Variants in CAMK2A observed in about 807,000 individuals in gnomAD.
CAMK2A encodes the protein calcium/calmodulin dependent protein kinase II alpha, also known as calcium/calmodulin-dependent protein kinase type II subunit alpha.
A neutral mutation model predicts 79.2 loss-of-function variants in CAMK2A; 7 were observed. The observed-to-expected ratio is 0.09, with a 90% confidence interval of 0.05 to 0.17. CAMK2A has a LOEUF of 0.17. Among genes scored for constraint, CAMK2A ranks in the 10% least tolerant of loss-of-function variants. The probability of loss-of-function intolerance (pLI) is 1.00; values close to 1 mark genes in which losing one functional copy is unlikely to be tolerated. For missense variants in CAMK2A, 214 were observed against 646.4 expected, an observed-to-expected ratio of 0.33 and a Z score of 7.25; for synonymous variants, 242 against 251.7, an observed-to-expected ratio of 0.96 and a Z score of 0.36.
chr5:150,263,881 G>T (rs1333750688), intron 3 of CAMK2A, among the ~76,000 whole-genome samples: 1 of 152,236 alleles, frequency 6.6e-6, no homozygotes, highest in Non-Finnish European at 1.5e-5. Context: ...CCAACCCAGG[G>T]ATGTCTCTCT....
rs577803450 is a variant in CAMK2A at position 150,236,367 on chromosome 5, C to T, written c.1066+2333G>A. Among the ~76,000 whole-genome samples the T allele has an allele frequency of 1.6e-4, 25 of 152,294 alleles. No individual in the cohort carries two copies. In the East Asian group the frequency reaches 2.1e-3, roughly 13 times the overall value. On this transcript the variant is annotated intron_variant, in intron 15 of 18. Coordinates refer to ENST00000671881, the MANE Select transcript of CAMK2A (RefSeq NM_015981.4). ...CACCTGGCTTCCTGTCATTCAACCACGAACTACAGTTTGAAAAAAGAAATT... is the reference window on the plus strand; with the variant it reads ...CACCTGGCTTCCTGTCATTCAACCATGAACTACAGTTTGAAAAAAGAAATT...
chr5:150,245,323 G>T, intron 12 of CAMK2A, 122 bp from the exon 13 acceptor site: 1 of 817,396 alleles, frequency 1.2e-6, no homozygotes, highest in Non-Finnish European at 2.0e-6. Flanking sequence ...AGCTGGCCCA[G>T]CGATCCTGGG....
Position 150,247,895 on chromosome 5 carries a change from C to T in CAMK2A, c.901-81G>A, listed in dbSNP as rs376896858. On this transcript the variant is annotated intron_variant, in intron 11 of 18. Coordinates refer to ENST00000671881, the MANE Select transcript of CAMK2A (RefSeq NM_015981.4). ...GAGGGACAGAGAGACGGGAGGGCCA[C>T]GGGGAAGGAGAGGCAGGTGCTGCAT... 218 of 1,176,856 alleles carry T rather than the reference C, an allele frequency of 1.9e-4. 2 individuals carry two copies. The highest frequency in any genetic ancestry group is 1.5e-3 in the African/African-American group (97 of 66,588). 72.9% of individuals were successfully genotyped at this position (1,176,856 alleles called of 1,614,324 possible). A position where few individuals can be genotyped will look rare whatever the true frequency, so the allele number is the denominator to read the frequency against.
At chr5:150,238,949 G>C (rs1031920877) in intron 14 of CAMK2A, among the ~76,000 whole-genome samples, 4 of 152,184 alleles carry the variant, frequency 2.6e-5, no homozygotes, top group Non-Finnish European at 4.4e-5. Context: ...GGGGCCGGGT[G>C]GGGGAAAGGG....
intron 1 of CAMK2A, 130 bp downstream of exon 1, chr5:150,289,434 A>C: frequency 2.7e-6 from 2 of 738,058 alleles, no homozygotes. Context: ...AGGTGCCCCC[A>C]AACCCATGCA....
chr5:150,257,200 T>C (rs1185492053), intron 4 of CAMK2A, among the ~76,000 whole-genome samples: 3 of 152,166 alleles, frequency 2.0e-5, no homozygotes, highest in Admixed American at 2.0e-4. Flanking sequence ...CCATCACTGA[T>C]TTTCATTGCC....
At chr5:150,276,939 A>T (rs994372848) in intron 1 of CAMK2A, among the ~76,000 whole-genome samples, 1 of 152,332 alleles carries the variant, frequency 6.6e-6, no homozygotes, top group African/African-American at 2.4e-5. Context: ...CTTTAAAAAA[A>T]AAGATTCTGG....
intron 17 of CAMK2A, among the ~76,000 whole-genome samples, chr5:150,226,664 G>C (rs1754609333): frequency 7.0e-6 from 1 of 143,014 alleles, no homozygotes; most frequent in Non-Finnish European, 1.5e-5. Flanking sequence ...TTGAACCCAG[G>C]AGGCGGAGGT....
chr5:150,249,416 T>C (rs1755726425), intron 11 of CAMK2A, among the ~76,000 whole-genome samples: 1 of 152,174 alleles, frequency 6.6e-6, no homozygotes, highest in African/African-American at 2.4e-5. Flanking sequence ...GGGTCTCACG[T>C]TCAGTCATGT....
At chr5:150,222,886 G>T in intron 18 of CAMK2A, 103 bp downstream of exon 18, 1 of 1,394,778 alleles carries the variant, frequency 7.2e-7, no homozygotes, top group Non-Finnish European at 1.0e-6. Flanking sequence ...CCACTCTGCA[G>T]CCTTTCAGAG....
chr5:150,246,075 C>T (rs892538727), intron 12 of CAMK2A, among the ~76,000 whole-genome samples: 1 of 152,200 alleles, frequency 6.6e-6, no homozygotes, highest in African/African-American at 2.4e-5. Context: ...AAATGGTAGC[C>T]ATGATAAGAC....
intron 1 of CAMK2A, among the ~76,000 whole-genome samples, chr5:150,288,528 C>T (rs1170219634): frequency 6.6e-6 from 1 of 152,166 alleles, no homozygotes; most frequent in Non-Finnish European, 1.5e-5. Flanking sequence ...CAGCCACACA[C>T]ATCACTCCTC....
intron 12 of CAMK2A, 79 bp downstream of exon 12, chr5:150,247,693 C>T: frequency 8.4e-7 from 1 of 1,186,452 alleles, no homozygotes; most frequent in Admixed American, 2.0e-5. Flanking sequence ...GGCCTGGGGG[C>T]ACTCCAATAT....
intron 17 of CAMK2A, among the ~76,000 whole-genome samples, chr5:150,224,076 G>C (rs1014631362): frequency 7.2e-5 from 11 of 152,192 alleles, no homozygotes; most frequent in Non-Finnish European, 7.3e-5. Context: ...GTTAGGGAGA[G>C]ATGCATAGCT....
chr5:150,260,746 G>C lies in CAMK2A; in HGVS notation c.218-3129C>G, dbSNP rs375742660. Among the ~76,000 whole-genome samples, 51 of 152,204 alleles carry C rather than the reference G, an allele frequency of 3.4e-4. 4 individuals are homozygous for C. Among genetic ancestry groups the C allele is most frequent in the South Asian group, 3.2e-3 (15 of 4,760 alleles). On this transcript the variant is annotated intron_variant, in intron 3 of 18. Transcript: ENST00000671881. ...CATTAAATGTTAATTCTAGATGTGAGGTTATAGAAGATACTTTAAAAAGTA... is the reference window on the plus strand; with the variant it reads ...CATTAAATGTTAATTCTAGATGTGACGTTATAGAAGATACTTTAAAAAGTA...
rs1334665209 is a variant in CAMK2A at position 150,222,364 on chromosome 5, G to A, written c.*346C>T. ...CCCCTCCTTCTCCCCAGCCCCTGGT[G>A]GGCACCAGCCCGGGCATTCTAGCCT... is the stretch of plus-strand genomic sequence containing the variant. On this transcript the variant is annotated 3_prime_UTR_variant, in exon 19 of 19. Transcript: ENST00000671881. 3.3e-6 allele frequency: 2 copies of A among 598,326 alleles called. No homozygotes were observed. Among genetic ancestry groups the A allele is most frequent in the East Asian group, 2.7e-5 (1 of 36,470 alleles). 37.1% of individuals were successfully genotyped at this position (598,326 alleles called of 1,614,324 possible).
At chr5:150,229,872 C>T (rs377271503) in intron 16 of CAMK2A, among the ~76,000 whole-genome samples, 46 of 152,238 alleles carry the variant, frequency 3.0e-4, no homozygotes, top group African/African-American at 1.1e-3. Context: ...AACGTGCACA[C>T]ATGTGTACAA....
intron 11 of CAMK2A, among the ~76,000 whole-genome samples, chr5:150,248,327 TTTA>T (rs1755664428): frequency 1.1e-5 from 1 of 91,264 alleles, no homozygotes; most frequent in African/African-American, 9.8e-5. Flanking sequence ...AGTTTTTTAT[TTTA>T]TATATATATA....
intron 3 of CAMK2A, among the ~76,000 whole-genome samples, chr5:150,263,612 C>T (rs1398117010): frequency 6.6e-5 from 10 of 151,948 alleles, no homozygotes; most frequent in African/African-American, 1.7e-4. Flanking sequence ...CGCACACATT[C>T]GCACTCACAC....
Sources: gnomAD v4.1 joint callset for allele counts (sites outside exome capture counted in the v4.1 genomes callset) on GRCh38, gnomAD v4.1.1 for gene constraint, MANE v1.5 for transcripts, NCBI Gene and HGNC (gene_info 2026-07-23, HGNC 2026-07-21) for gene names.